Variants in DNAH9 observed in about 807,000 individuals in gnomAD.
DNAH9 encodes dynein axonemal heavy chain 9.
DNAH9 carries 345 observed loss-of-function variants against 471.6 expected under a neutral mutation model. The ratio of observed to expected loss-of-function variants is 0.73; its 90% CI spans 0.67 to 0.80. DNAH9 has a LOEUF of 0.80. DNAH9 is among the 30% of genes least tolerant of loss of function. The pLI, the probability that DNAH9 is intolerant of heterozygous loss-of-function variation, is 0.00. For synonymous variants in DNAH9, 2,093 were observed against 2,123.6 expected (o/e 0.99, Z 0.40); for missense variants, 5,407 against 5,609.2 (o/e 0.96, Z 1.15).
intron 48 of DNAH9, among the ~76,000 whole-genome samples, chr17:11,830,834 A>G (rs57240335): frequency 0.33 from 50,438 of 152,098 alleles, 9,794 homozygotes; most frequent in Non-Finnish European, 0.45. Context: ...TGGTTTTCCC[A>G]TAGCTGAAGA....
In DNAH9 at chr17:11,626,712, C is replaced by A. The variant is rs1462738294; in HGVS notation, c.1351-2705C>A. Among the ~76,000 whole-genome samples the A allele has an allele frequency of 6.6e-6, 1 of 152,168 alleles. No individual in the cohort carries two copies. The highest frequency in any genetic ancestry group is 1.5e-5 in the Non-Finnish European group (1 of 68,032). On this transcript the variant is annotated intron_variant, in intron 6 of 68. Coordinates refer to ENST00000262442, the MANE Select transcript of DNAH9 (RefSeq NM_001372.4). This position sits in a 1 kb window ranked among gnomAD's most constrained non-coding sequence, Gnocchi z 4.3. Reference sequence around the variant, plus strand: ...CACTGTAGCACCAGGGAAGGTTCCCCCTTGCACTTGACCAGGGTCCTATGG... The same window carrying A: ...CACTGTAGCACCAGGGAAGGTTCCCACTTGCACTTGACCAGGGTCCTATGG...
intron 65 of DNAH9, among the ~76,000 whole-genome samples, chr17:11,934,407 T>G (rs1376279524): frequency 1.3e-5 from 2 of 151,980 alleles, no homozygotes; most frequent in East Asian, 3.9e-4. Context: ...GTTATTTGGT[T>G]GTTTTCACTT....
In DNAH9 at chr17:11,626,765, T is replaced by A. The variant is rs1039835222; in HGVS notation, c.1351-2652T>A. Reference sequence around the variant, plus strand: ...ATTGAAATGTCCTTCCTTATAATTCTCTTCTCTTGTCTATTTTTTTTCACC... The same window carrying A: ...ATTGAAATGTCCTTCCTTATAATTCACTTCTCTTGTCTATTTTTTTTCACC... On this transcript the variant is annotated intron_variant, in intron 6 of 68. Transcript: ENST00000262442. This position sits in a 1 kb window ranked among gnomAD's most constrained non-coding sequence, Gnocchi z 4.3. Among the ~76,000 whole-genome samples, 1 of 152,216 alleles carries A rather than the reference T, an allele frequency of 6.6e-6. No homozygotes were observed. Among genetic ancestry groups the A allele is most frequent in the Non-Finnish European group, 1.5e-5 (1 of 68,044 alleles).
chr17:11,619,683 T>G lies in DNAH9; in HGVS notation c.1252T>G (p.Tyr418Asp), dbSNP rs529230683. The part of the protein sequence containing the change: ...FQDRRENLHT[Y>D]FKENQEVKEW... Reference sequence around the variant, plus strand: ...GGACAGAAGGGAGAATCTCCACACTTACTTCAAAGAGAACCAGGAAGTCAA... The same window carrying G: ...GGACAGAAGGGAGAATCTCCACACTGACTTCAAAGAGAACCAGGAAGTCAA... Residue 418 changes from tyrosine to aspartate, a missense_variant, in exon 6 of 69, where the codon TAC becomes GAC. Coordinates refer to ENST00000262442, the MANE Select transcript of DNAH9 (RefSeq NM_001372.4). The G allele has an allele frequency of 9.7e-5, 156 of 1,613,922 alleles. 1 individual carries two copies. In the South Asian group the frequency reaches 1.5e-3, roughly 16 times the overall value.
chr17:11,739,182 T>C, intron 29 of DNAH9, 145 bp downstream of exon 29: 1 of 785,850 alleles, frequency 1.3e-6, no homozygotes, highest in Non-Finnish European at 2.0e-6. Flanking sequence ...ATGTCTTTAA[T>C]GCAGTAAAAT....
intron 9 of DNAH9, among the ~76,000 whole-genome samples, chr17:11,638,810 A>G (rs1017547602): frequency 2.6e-5 from 4 of 152,156 alleles, no homozygotes; most frequent in Non-Finnish European, 5.9e-5. Flanking sequence ...GCTCTAGAGG[A>G]AAAATCCACT....
chr17:11,810,237 T>C lies in DNAH9; in HGVS notation c.8584-9T>C, dbSNP rs571560112. On this transcript the variant is annotated splice_polypyrimidine_tract_variant and intron_variant, in intron 44 of 68. Coordinates refer to ENST00000262442, the MANE Select transcript of DNAH9 (RefSeq NM_001372.4). ...TTTCAGAGATTTCTGATATTGACCA[T>C]TCCTACAGATGGACCTGGCCAGCCT... The C allele has an allele frequency of 8.7e-6, 14 of 1,608,708 alleles. No homozygotes were observed. The East Asian group carries it at 2.0e-4, about 23-fold the overall frequency.
intron 4 of DNAH9, among the ~76,000 whole-genome samples, chr17:11,615,203 G>A (rs926247801): frequency 1.3e-5 from 2 of 152,200 alleles, no homozygotes; most frequent in African/African-American, 4.8e-5. Context: ...AAACGTGTTT[G>A]TCCTCAAAGA....
chr17:11,810,411 CT>C (rs1262543734), intron 45 of DNAH9, 42 bp downstream of exon 45: 1 of 1,595,892 alleles, frequency 6.3e-7, no homozygotes, highest in African/African-American at 1.3e-5. Flanking sequence ...TAAATTCCCC[CT>C]GGAATCAGAG....
At chr17:11,678,662 A>AT (rs150090149) in intron 17 of DNAH9, among the ~76,000 whole-genome samples, 3,198 of 149,870 alleles carry the variant, frequency 0.021, 87 homozygotes, top group South Asian at 0.11. Context: ...TAATTTTAAG[A>AT]TTTTTTTTTT....
chr17:11,608,761 T>TC (rs757044707), intron 2 of DNAH9, among the ~76,000 whole-genome samples: 4 of 152,102 alleles, frequency 2.6e-5, no homozygotes, highest in African/African-American at 9.7e-5. Flanking sequence ...CAGACTCTCC[T>TC]CCCCCAGCAG....
At chr17:11,891,492 A>C (rs1973047341) in intron 57 of DNAH9, among the ~76,000 whole-genome samples, 1 of 151,944 alleles carries the variant, frequency 6.6e-6, no homozygotes, top group South Asian at 2.1e-4. Context: ...CAGCCTCCCA[A>C]GTAGCTGGAA....
chr17:11,965,283 A>G (rs1232967222), intron 68 of DNAH9, among the ~76,000 whole-genome samples: 1 of 152,246 alleles, frequency 6.6e-6, no homozygotes, highest in Admixed American at 6.5e-5. Context: ...TGCCTGGCTA[A>G]GCACTGAAGG....
chr17:11,646,585 C>T (rs1266447430), intron 11 of DNAH9, among the ~76,000 whole-genome samples: 3 of 152,176 alleles, frequency 2.0e-5, no homozygotes, highest in Non-Finnish European at 4.4e-5. Context: ...GGGTCTTTCT[C>T]CTCTTCTCTG....
chr17:11,610,677 A>C, intron 3 of DNAH9, 123 bp downstream of exon 3: 1 of 859,432 alleles, frequency 1.2e-6, no homozygotes, highest in Non-Finnish European at 1.8e-6. Context: ...TCACATCATC[A>C]GTGGGGTAGA....
intron 48 of DNAH9, among the ~76,000 whole-genome samples, chr17:11,823,692 G>A (rs1197120469): frequency 2.6e-5 from 4 of 152,158 alleles, no homozygotes; most frequent in African/African-American, 9.7e-5. Flanking sequence ...AGCACTGTGG[G>A]AGGTCGAGGC....
In DNAH9 at chr17:11,657,932, C is replaced by A. The variant is rs944737941; in HGVS notation, c.2595+4930C>A. ...AAGAGAAAATTGATTATCAGTAAGT[C>A]TGAAAATCAGGTTCTATATGTCCTG... On this transcript the variant is annotated intron_variant, in intron 14 of 68. Coordinates refer to ENST00000262442, the MANE Select transcript of DNAH9 (RefSeq NM_001372.4). Among the ~76,000 whole-genome samples the A allele has an allele frequency of 7.9e-5, 12 of 152,100 alleles. No individual in the cohort carries two copies. The East Asian group carries it at 9.6e-4, about 12-fold the overall frequency.
At chr17:11,861,318 T>C (rs1336198864) in intron 50 of DNAH9, among the ~76,000 whole-genome samples, 2 of 151,856 alleles carry the variant, frequency 1.3e-5, no homozygotes, top group Admixed American at 1.3e-4. Flanking sequence ...AATGATGATT[T>C]CCAATTTCAT....
In DNAH9 at chr17:11,962,116, C is replaced by T. The variant is rs774813061; in HGVS notation, c.13093C>T (p.Arg4365Cys). Residue 4365 changes from arginine to cysteine, a missense_variant, in exon 68 of 69, where the codon CGC (arginine) becomes TGC (cysteine). Physicochemically the swap from Arg to Cys is radical, Grantham distance 180. Transcript: ENST00000262442. This position sits in a 1 kb window ranked among gnomAD's most constrained non-coding sequence, Gnocchi z 4.1. ...GACTGCCATCATGCAGTCCACGGCT[C>T]GCAAGAATGAGTGGCCACTGGACCA... is the stretch of plus-strand genomic sequence containing the variant. ...FLTAIMQSTA[R>C]KNEWPLDQMA... The T allele has an allele frequency of 5.6e-6, 9 of 1,614,154 alleles. No individual in the cohort carries two copies. In the East Asian group the frequency reaches 8.9e-5, roughly 16 times the overall value.
Sources: allele counts gnomAD v4.1 joint callset (sites outside exome capture counted in the v4.1 genomes callset), GRCh38; gene constraint gnomAD v4.1.1; non-coding constraint Gnocchi (gnomAD v3.1); transcripts MANE v1.5; gene names NCBI Gene and HGNC (gene_info 2026-07-23, HGNC 2026-07-21).